The following ZNF573 variants were observed in gnomAD, a reference collection of about 807,000 sequenced individuals.
ZNF573 encodes zinc finger protein 573.
Under a neutral mutation model 57.4 loss-of-function variants are expected in ZNF573, and 41 were observed. The observed-to-expected ratio is 0.71, with a 90% CI of 0.56 to 0.93. ZNF573 has a LOEUF of 0.93. Among genes scored for constraint, ZNF573 ranks in the 40% least tolerant of loss-of-function variants. ZNF573 has a pLI of 0.00. For synonymous variants in ZNF573, 249 were observed against 261.0 expected, an observed-to-expected ratio of 0.95 and a Z score of 0.44; for missense variants, 730 against 794.8, an observed-to-expected ratio of 0.92 and a Z score of 0.98.
Position 37,739,464 on chromosome 19 carries a change from G to A in ZNF573, c.1026C>T (p.Ala342=), listed in dbSNP as rs374273303. 1.3e-4 allele frequency: 207 copies of A among 1,613,884 alleles called. No individual in the cohort carries two copies. The highest frequency in any genetic ancestry group is 5.3e-4 in the Admixed American group (32 of 59,984). ...TTCTCTGATGTAGAAGAAAGTATGA[G>A]GCAGTGGTATAGCCCTTCCCACATT... The part of the protein sequence containing the change: ...CKECGKGYTT[A]SYFLLHQRIH... Residue 342 remains alanine (A), a synonymous_variant, in exon 5 of 5, where the codon GCC becomes GCT. Transcript: ENST00000536220.
At chr19:37,762,503 T>A (rs2045561883) in intron 4 of ZNF573, among the ~76,000 whole-genome samples, 1 of 152,132 alleles carries the variant, frequency 6.6e-6, no homozygotes, top group African/African-American at 2.4e-5. Flanking sequence ...CCATTCTGCA[T>A]GAGGATGTAC....
At chr19:37,779,084 A>G (rs1262449891) in intron 1 of ZNF573, among the ~76,000 whole-genome samples, 2 of 151,944 alleles carry the variant, frequency 1.3e-5, no homozygotes, top group African/African-American at 4.8e-5. Flanking sequence ...GTGAGGAGGG[A>G]GGAGAGAAGC....
rs781499897 is a variant in ZNF573 at position 37,741,488 on chromosome 19, A to G, written c.296-1294T>C. On this transcript the variant is annotated intron_variant, in intron 4 of 4. Coordinates refer to ENST00000536220, the MANE Select transcript of ZNF573 (RefSeq NM_001172690.2). ...ACTGTGTTGCTTATCCACCGTGATCAAGTTGGCTTCATCCCTGGGATGCAA... is the reference window on the plus strand; with the variant it reads ...ACTGTGTTGCTTATCCACCGTGATCGAGTTGGCTTCATCCCTGGGATGCAA... 5.3e-5 allele frequency among the ~76,000 whole-genome samples: 8 copies of G among 152,290 alleles called. No individual in the cohort carries two copies. In the South Asian group the frequency reaches 1.7e-3, roughly 32 times the overall value.
rs2045306968 is a variant in ZNF573 at position 37,739,807 on chromosome 19, A to G, written c.683T>C (p.Ile228Thr). The G allele has an allele frequency of 6.2e-7, 1 of 1,613,690 alleles. No homozygotes were observed. Among genetic ancestry groups the G allele is most frequent in the Non-Finnish European group, 8.5e-7 (1 of 1,179,742 alleles). ...ATGTTGAACAATGTGTGAGGCATAT[A>G]TAAAGGCCTTCCCACACTGCCTACA... ...YECRQCGKAFIYASHIVQHER... is the reference protein window; with the variant it reads ...YECRQCGKAFTYASHIVQHER... The change falls in exon 5 of 5, where the codon ATA becomes ACA. Residue 228 changes from isoleucine to threonine, a missense_variant. Ile to Thr is a moderately conservative substitution (Grantham distance 89). Transcript: ENST00000536220.
In ZNF573 at chr19:37,773,755, A is replaced by G. The variant is rs775033849; in HGVS notation, c.-22-4T>C. The G allele has an allele frequency of 1.5e-5, 23 of 1,489,388 alleles. No individual in the cohort carries two copies. The African/African-American group carries it at 2.8e-4, about 18-fold the overall frequency. 92.3% of individuals were successfully genotyped at this position (1,489,388 alleles called of 1,614,324 possible). A position where few individuals can be genotyped will look rare whatever the true frequency, so the allele number is the denominator to read the frequency against. ...TCAAACTCCAGAGAATCCAGAGCTG[A>G]GAGAAGAAAAGAGATGTTAGTGTTC... On this transcript the variant is annotated splice_polypyrimidine_tract_variant and splice_region_variant and intron_variant, in intron 1 of 4. Coordinates refer to ENST00000536220, the MANE Select transcript of ZNF573 (RefSeq NM_001172690.2).
chr19:37,749,976 AT>A (rs569576810), intron 4 of ZNF573, among the ~76,000 whole-genome samples: 1 of 151,706 alleles, frequency 6.6e-6, no homozygotes, highest in South Asian at 2.1e-4. Context: ...GAAGTTTCAG[AT>A]TTTTTTTTCT....
chr19:37,763,574 A>G (rs1322284495), intron 4 of ZNF573, among the ~76,000 whole-genome samples: 7 of 151,974 alleles, frequency 4.6e-5, no homozygotes, highest in African/African-American at 1.7e-4. Flanking sequence ...AAAAAACAAA[A>G]CAAAACAAAA....
In ZNF573 at chr19:37,749,827, A is replaced by G. The variant is rs574814140; in HGVS notation, c.296-9633T>C. 2.6e-5 allele frequency among the ~76,000 whole-genome samples: 4 copies of G among 152,344 alleles called. No individual in the cohort carries two copies. The South Asian group carries it at 6.2e-4, about 24-fold the overall frequency. The stretch of plus-strand genomic sequence containing the variant: ...ACAAACACAGTAAGATGGCATTAGG[A>G]TAAAAACATGTTACTAACTTGCTTG... On this transcript the variant is annotated intron_variant, in intron 4 of 4. Transcript: ENST00000536220.
At chr19:37,757,130 C>G (rs958117054) in intron 4 of ZNF573, among the ~76,000 whole-genome samples, 1 of 151,940 alleles carries the variant, frequency 6.6e-6, no homozygotes, top group Non-Finnish European at 1.5e-5. Flanking sequence ...CAATTGCTTA[C>G]TCATCAAGGC....
chr19:37,778,658 C>T (rs914470565), intron 1 of ZNF573: 1 of 152,040 alleles, frequency 6.6e-6, no homozygotes, highest in African/African-American at 2.4e-5. Context: ...CTAGCCTAAA[C>T]ATTGAGTTTT....
intron 4 of ZNF573, among the ~76,000 whole-genome samples, chr19:37,754,856 A>G (rs539241374): frequency 6.6e-6 from 1 of 152,222 alleles, no homozygotes. Context: ...GCCACACAAC[A>G]TAACACCTAC....
chr19:37,740,163 G>T lies in ZNF573; in HGVS notation c.327C>A (p.Tyr109Ter). 1 of 1,595,812 alleles carries T rather than the reference G, an allele frequency of 6.3e-7. No individual in the cohort carries two copies. The highest frequency in any genetic ancestry group is 8.5e-7 in the Non-Finnish European group (1 of 1,170,636). The change falls in exon 5 of 5, where the codon TAC (tyrosine) becomes TAA (stop). Residue 109 changes from tyrosine to a stop codon, truncating the protein, a stop_gained. Coordinates refer to ENST00000536220, the MANE Select transcript of ZNF573 (RefSeq NM_001172690.2). LOFTEE classifies it high-confidence loss of function. ...DLDLQCEIISYIEVPTYETDI... is the reference protein window; with the variant it reads ...DLDLQCEIIS Reference sequence around the variant, plus strand: ...CTGTTTCATAAGTGGGTACTTCTATGTAGCTGATTATCTCACACTGTAAAT... The same window carrying T: ...CTGTTTCATAAGTGGGTACTTCTATTTAGCTGATTATCTCACACTGTAAAT...
intron 4 of ZNF573, among the ~76,000 whole-genome samples, chr19:37,757,634 C>T (rs937902091): frequency 6.6e-6 from 1 of 152,138 alleles, no homozygotes; most frequent in South Asian, 2.1e-4. Flanking sequence ...GACAGTGTGG[C>T]GATTCCTCAG....
chr19:37,770,832 T>TTATTTATATATATATATA, intron 3 of ZNF573, among the ~76,000 whole-genome samples: 1 of 93,736 alleles, frequency 1.1e-5, no homozygotes. Context: ...TTAAGTTATT[T>TTATTTATATATATATATA]TATATATATA....
chr19:37,742,947 C>T (rs1367060706), intron 4 of ZNF573, among the ~76,000 whole-genome samples: 1 of 152,190 alleles, frequency 6.6e-6, no homozygotes, highest in African/African-American at 2.4e-5. Context: ...CCAGAATTTA[C>T]AAGGAACTTA....
At chr19:37,773,894 C>A in intron 1 of ZNF573, 143 bp from the exon 2 acceptor site, 2 of 558,358 alleles carry the variant, frequency 3.6e-6, no homozygotes, top group South Asian at 4.6e-5. Flanking sequence ...TCTAAGCACT[C>A]CCTCACACCC....
At chr19:37,751,100 A>G (rs958927011) in intron 4 of ZNF573, among the ~76,000 whole-genome samples, 15 of 145,584 alleles carry the variant, frequency 1.0e-4, no homozygotes, top group African/African-American at 3.3e-4. Flanking sequence ...CAGTATAGAC[A>G]GCATATATAC....
intron 4 of ZNF573, chr19:37,758,676 T>C (rs927700240): frequency 6.6e-6 from 1 of 152,214 alleles, no homozygotes; most frequent in Non-Finnish European, 1.5e-5. Context: ...TGGTTTCTTA[T>C]TTTAAGATAC....
chr19:37,767,881 A>G (rs2045616956), intron 4 of ZNF573, among the ~76,000 whole-genome samples: 1 of 152,204 alleles, frequency 6.6e-6, no homozygotes, highest in Non-Finnish European at 1.5e-5. Flanking sequence ...TTGAAATTGG[A>G]GAAAAAATAA....
Sources: allele counts gnomAD v4.1 joint callset (sites outside exome capture counted in the v4.1 genomes callset), GRCh38; gene constraint gnomAD v4.1.1; transcripts MANE v1.5; gene names NCBI Gene and HGNC (gene_info 2026-07-23, HGNC 2026-07-21).